Variants in PGF observed in about 807,000 individuals in gnomAD.
The protein encoded by PGF is placenta growth factor.
In PGF, 11 loss-of-function variants were observed where a neutral mutation model predicts 25.3. That is an observed-to-expected ratio of 0.43 (90% CI 0.27 to 0.72). The LOEUF (loss-of-function observed/expected upper bound fraction) is 0.72, where lower values mean the gene tolerates loss of function less well. Among genes scored for constraint, PGF ranks in the 30% least tolerant of loss-of-function variants. The pLI, the probability that PGF is intolerant of heterozygous loss-of-function variation, is 0.18. For missense variants in PGF, 230 were observed against 234.9 expected (o/e 0.98, Z 0.14); for synonymous variants, 105 against 97.9 (o/e 1.07, Z -0.43).
At position 74,949,288 on chromosome 14, in the gene PGF, T is replaced by A. The variant is rs985548185; in HGVS notation, c.315+69A>T. The A allele has an allele frequency of 1.7e-5, 22 of 1,292,420 alleles. No homozygotes were observed. In the African/African-American group the frequency reaches 3.2e-4, roughly 19 times the overall value. The allele number at this position is 1,292,420 out of a possible 1,614,324, so 80.1% of individuals were successfully genotyped here. On this transcript the variant is annotated intron_variant, in intron 3 of 6. Transcript: ENST00000555567. The stretch of plus-strand genomic sequence containing the variant: ...GCTCCAGCCCTGGGACCTGGGCCTA[T>A]CTTCTTCCCTCTCCAGGTACCTTCT...
At chr14:74,946,505 C>T (rs1395691247) in intron 4 of PGF, 97 bp from the exon 5 acceptor site, 3 of 1,220,932 alleles carry the variant, frequency 2.5e-6, no homozygotes, top group Admixed American at 4.4e-5. Flanking sequence ...CATCCCCAGT[C>T]CTGGTCCTGC....
Position 74,942,603 on chromosome 14 carries a change from T to C in PGF, c.*103A>G, listed in dbSNP as rs1594982717. 6 of 1,128,060 alleles carry C rather than the reference T, an allele frequency of 5.3e-6. No homozygotes were observed. The highest frequency in any genetic ancestry group is 2.5e-5 in the East Asian group (1 of 39,590). The allele number at this position is 1,128,060 out of a possible 1,614,324, so 69.9% of individuals were successfully genotyped here. On this transcript the variant is annotated 3_prime_UTR_variant, in exon 7 of 7. Transcript: ENST00000555567. Reference sequence around the variant, plus strand: ...AGCGAGGCATTCAGCAGGGAAACAGTTGGCTAATAAATAGAGGGCAGGTAC... The same window carrying C: ...AGCGAGGCATTCAGCAGGGAAACAGCTGGCTAATAAATAGAGGGCAGGTAC...
chr14:74,953,939 G>T lies in PGF; in HGVS notation c.83C>A (p.Ala28Asp). The T allele has an allele frequency of 6.2e-7, 1 of 1,613,942 alleles. No homozygotes were observed. Among genetic ancestry groups the T allele is most frequent in the South Asian group, 1.1e-5 (1 of 91,080 alleles). ...TGACGAGCCGTTCCCAGCAGACAAG[G>T]CCCACTGCTATGGACAGAAAAGTGC... ...ALPAVPPQQWALSAGNGSSEV... is the reference protein window; with the variant it reads ...ALPAVPPQQWDLSAGNGSSEV... Residue 28 changes from alanine to aspartate, a missense_variant, in exon 2 of 7, where the codon GCC (alanine) becomes GAC (aspartate). Transcript: ENST00000555567. The surrounding 1 kb of genome is among the most constrained non-coding windows in gnomAD (Gnocchi z 5.4).
chr14:74,952,864 C>T (rs1888903663), intron 2 of PGF, among the ~76,000 whole-genome samples: 1 of 152,186 alleles, frequency 6.6e-6, no homozygotes, highest in African/African-American at 2.4e-5. Context: ...AGCCAAGGCT[C>T]CCATTTTACA....
At chr14:74,951,247 C>T (rs1888864781) in intron 2 of PGF, among the ~76,000 whole-genome samples, 2 of 152,098 alleles carry the variant, frequency 1.3e-5, no homozygotes, top group African/African-American at 4.8e-5. Context: ...AATCCATAGG[C>T]CTCCTCTGAC....
In PGF at chr14:74,955,264, G is replaced by A; in HGVS notation, c.-22C>T. ...GCATCTTCTCAGACGTCCCGAGCCA[G>A]GGGGCTCCGAGGGAAAACCACCATG... is the stretch of plus-strand genomic sequence containing the variant. On this transcript the variant is annotated 5_prime_UTR_variant, in exon 1 of 7. Coordinates refer to ENST00000555567, the MANE Select transcript of PGF (RefSeq NM_002632.6). The surrounding 1 kb of genome is among the most constrained non-coding windows in gnomAD (Gnocchi z 4.1). The A allele has an allele frequency of 4.3e-6, 6 of 1,407,364 alleles. No individual in the cohort carries two copies. The highest frequency in any genetic ancestry group is 4.7e-6 in the Non-Finnish European group (5 of 1,063,004). 87.2% of individuals were successfully genotyped at this position (1,407,364 alleles called of 1,614,324 possible). A position where few individuals can be genotyped will look rare whatever the true frequency, so the allele number is the denominator to read the frequency against.
rs201538102 is a variant in PGF, at chr14:74,949,553, A to G, written c.119T>C (p.Val40Ala). 1.5e-5 allele frequency: 24 copies of G among 1,557,158 alleles called. No homozygotes were observed. The African/African-American group carries it at 3.3e-4, about 21-fold the overall frequency. The change falls in exon 3 of 7, where the codon GTG becomes GCG. Residue 40 changes from valine (V) to alanine (A), a missense_variant and splice_region_variant. Coordinates refer to ENST00000555567, the MANE Select transcript of PGF (RefSeq NM_002632.6). ...SAGNGSSEVE[V>A]VPFQEVWGRS... Reference sequence around the variant, plus strand: ...GCCCCACACTTCCTGGAAGGGTACCACTGCGAGGAAGCAAGGGGGCTGGGT... The same window carrying G: ...GCCCCACACTTCCTGGAAGGGTACCGCTGCGAGGAAGCAAGGGGGCTGGGT...
At chr14:74,946,185 C>T (rs775135440) in intron 6 of PGF, 28 bp downstream of exon 6, 40 of 1,609,316 alleles carry the variant, frequency 2.5e-5, no homozygotes, top group East Asian at 4.5e-5. Flanking sequence ...CCAGCCTCCT[C>T]GCCATCCCTG....
Position 74,953,223 on chromosome 14 carries a change from G to A in PGF, c.118+681C>T, listed in dbSNP as rs1406543369. 6.6e-6 allele frequency among the ~76,000 whole-genome samples: 1 copy of A among 152,228 alleles called. No individual in the cohort carries two copies. The highest frequency in any genetic ancestry group is 1.5e-5 in the Non-Finnish European group (1 of 68,042). ...TGTCCCTACATGCCCACTCTCCCAT[G>A]GCGCAGGGGAAACCTCAGCGGTGGT... On this transcript the variant is annotated intron_variant, in intron 2 of 6. Transcript: ENST00000555567. The surrounding 1 kb of genome is among the most constrained non-coding windows in gnomAD (Gnocchi z 5.4).
At position 74,946,422 on chromosome 14, in the gene PGF, C is replaced by CAG; in HGVS notation, c.393-16_393-15dup. On this transcript the variant is annotated splice_polypyrimidine_tract_variant and intron_variant, in intron 4 of 6. Transcript: ENST00000555567. ...TCCCGCAGAGGCCTAGGGAAACAGA[C>CAG]AGAGAGAGGGGCAGAGGAACGTTAG... 6.2e-7 allele frequency: 1 copy of CAG among 1,603,484 alleles called. No homozygotes were observed. The highest frequency in any genetic ancestry group is 8.5e-7 in the Non-Finnish European group (1 of 1,173,880).
chr14:74,945,698 G>A (rs1888716081), intron 6 of PGF: 1 of 156,238 alleles, frequency 6.4e-6, no homozygotes, highest in Admixed American at 6.2e-5. Context: ...GGTACGAAGT[G>A]GGTTAGAAGC....
intron 2 of PGF, among the ~76,000 whole-genome samples, chr14:74,951,099 C>T (rs1009067468): frequency 2.0e-5 from 3 of 152,156 alleles, no homozygotes; most frequent in Admixed American, 2.0e-4. Flanking sequence ...TACCCAGAGG[C>T]GGTGTGTCCA....
intron 6 of PGF, 124 bp from the exon 7 acceptor site, chr14:74,942,857 T>A: frequency 1.3e-6 from 1 of 783,532 alleles, no homozygotes; most frequent in East Asian, 2.9e-5. Context: ...GAGGGCGCAG[T>A]GCTCCTGGGT....
rs375478342 is a variant in PGF, at chr14:74,946,405, A to G, written c.396T>C (p.Pro132=). 1 of 1,608,758 alleles carries G rather than the reference A, an allele frequency of 6.2e-7. No individual in the cohort carries two copies. Among genetic ancestry groups the G allele is most frequent in the Non-Finnish European group, 8.5e-7 (1 of 1,176,712 alleles). ...TTTCCGGCTTCATCTTCTCCCGCAGAGGCCTAGGGAAACAGACAGAGAGAG... is the reference window on the plus strand; with the variant it reads ...TTTCCGGCTTCATCTTCTCCCGCAGGGGCCTAGGGAAACAGACAGAGAGAG... The part of the protein sequence containing the change: ...FSQHVRCECR[P]LREKMKPERR... The change falls in exon 5 of 7, where the codon CCT becomes CCC. Residue 132 remains proline (P), a synonymous_variant. Transcript: ENST00000555567.
At chr14:74,951,434 G>A (rs1359974703) in intron 2 of PGF, among the ~76,000 whole-genome samples, 5 of 152,338 alleles carry the variant, frequency 3.3e-5, no homozygotes, top group Non-Finnish European at 5.9e-5. Flanking sequence ...TGAGCACTAC[G>A]TGACTCTGAA....
chr14:74,953,577 C>T lies in PGF; in HGVS notation c.118+327G>A, dbSNP rs1245602045. 6.6e-6 allele frequency among the ~76,000 whole-genome samples: 1 copy of T among 152,078 alleles called. No individual in the cohort carries two copies. The highest frequency in any genetic ancestry group is 1.5e-5 in the Non-Finnish European group (1 of 68,014). On this transcript the variant is annotated intron_variant, in intron 2 of 6. Coordinates refer to ENST00000555567, the MANE Select transcript of PGF (RefSeq NM_002632.6). This position sits in a 1 kb window ranked among gnomAD's most constrained non-coding sequence, Gnocchi z 5.4. ...CAGACCCCCATTCTGGCCCCTGGCA[C>T]TCACTCCCCACCCTGTCCTCCAAGA...
At position 74,949,582 on chromosome 14, in the gene PGF, G is replaced by A. The variant is rs374681858; in HGVS notation, c.119-29C>T. The stretch of plus-strand genomic sequence containing the variant: ...CGAGGAAGCAAGGGGGCTGGGTCAG[G>A]CCAGCAGAGACCTGCCCCTTGAAGC... On this transcript the variant is annotated intron_variant, in intron 2 of 6. Transcript: ENST00000555567. The A allele has an allele frequency of 9.3e-6, 14 of 1,498,112 alleles. No individual in the cohort carries two copies. The Admixed American group carries it at 1.1e-4, about 12-fold the overall frequency. The allele number at this position is 1,498,112 out of a possible 1,614,324, so 92.8% of individuals were successfully genotyped here.
intron 2 of PGF, among the ~76,000 whole-genome samples, chr14:74,949,919 G>A (rs933035769): frequency 6.6e-6 from 1 of 152,192 alleles, no homozygotes; most frequent in Non-Finnish European, 1.5e-5. Flanking sequence ...AGAACTTGCA[G>A]AAAACAGTCA....
rs372142288 is a variant in PGF, at chr14:74,942,772, C to T, written c.486-39G>A. ...AGCACAGACGGGGCGGGTATCAGCA[C>T]ACTGTGGAGGGTGCGGTCTCCTCCT... On this transcript the variant is annotated intron_variant, in intron 6 of 6. Transcript: ENST00000555567. 1,070 of 1,595,638 alleles carry T rather than the reference C, an allele frequency of 6.7e-4. 16 individuals are homozygous for T. The South Asian group carries it at 0.011, about 17-fold the overall frequency.
Sources: allele counts gnomAD v4.1 joint callset (sites outside exome capture counted in the v4.1 genomes callset), GRCh38; gene constraint gnomAD v4.1.1; non-coding constraint Gnocchi (gnomAD v3.1); transcripts MANE v1.5; gene names NCBI Gene and HGNC (gene_info 2026-07-23, HGNC 2026-07-21).